Variants in ROBO1 observed in about 807,000 individuals in gnomAD.
The protein encoded by ROBO1 is roundabout homolog 1.
A neutral mutation model predicts 195.9 loss-of-function variants in ROBO1; 149 were observed. The ratio of observed to expected loss-of-function variants is 0.76; its 90% CI spans 0.67 to 0.87. The LOEUF (loss-of-function observed/expected upper bound fraction) is 0.87, where lower values mean the gene tolerates loss of function less well. ROBO1 is among the 40% of genes least tolerant of loss of function. ROBO1 has a pLI of 0.00. For synonymous variants in ROBO1, 816 were observed against 733.2 expected (o/e 1.11, Z -1.82); for missense variants, 1,933 against 2,068.3 (o/e 0.93, Z 1.27).
chr3:79,047,756 C>G (rs952398830), intron 3 of ROBO1, among the ~76,000 whole-genome samples: 1 of 152,048 alleles, frequency 6.6e-6, no homozygotes, highest in East Asian at 1.9e-4. Context: ...TCCCATTCCT[C>G]CCGAAACCTT....
intron 4 of ROBO1, among the ~76,000 whole-genome samples, chr3:78,891,694 C>T (rs893853453): frequency 2.6e-5 from 4 of 152,034 alleles, no homozygotes; most frequent in Admixed American, 6.6e-5. Flanking sequence ...TCCAAGTGTC[C>T]GTTCGTACAA....
At chr3:79,087,060 T>C (rs1159758917) in intron 3 of ROBO1, among the ~76,000 whole-genome samples, 2 of 152,048 alleles carry the variant, frequency 1.3e-5, no homozygotes, top group Non-Finnish European at 2.9e-5. Context: ...ATAAAAATAA[T>C]CATATTTAAT....
intron 2 of ROBO1, among the ~76,000 whole-genome samples, chr3:79,288,841 A>G (rs1321282119): frequency 6.6e-6 from 1 of 152,126 alleles, no homozygotes; most frequent in African/African-American, 2.4e-5. Context: ...AAGTGTGTAG[A>G]ACCCAAATAA....
intron 1 of ROBO1, among the ~76,000 whole-genome samples, chr3:79,624,616 T>A (rs891279940): frequency 6.6e-6 from 1 of 151,804 alleles, no homozygotes; most frequent in Non-Finnish European, 1.5e-5. Context: ...CATTATATAA[T>A]GGAAAAGGGA....
intron 8 of ROBO1, chr3:78,693,381 C>T: frequency 5.4e-6 from 8 of 1,472,940 alleles, no homozygotes; most frequent in Non-Finnish European, 7.4e-6. Context: ...AAAAAGAAAA[C>T]ATGGAATAAA....
chr3:78,999,044 T>C lies in ROBO1; in HGVS notation c.173-60117A>G, dbSNP rs200505092. Among the ~76,000 whole-genome samples, 15 of 152,146 alleles carry C rather than the reference T, an allele frequency of 9.9e-5. No homozygotes were observed. In the East Asian group the frequency reaches 2.9e-3, roughly 29 times the overall value. ...ACCATCTCACACCACTCAGAATGGCTATTATTAAAGTCAAAAATAACAGCT... is the reference window on the plus strand; with the variant it reads ...ACCATCTCACACCACTCAGAATGGCCATTATTAAAGTCAAAAATAACAGCT... On this transcript the variant is annotated intron_variant, in intron 3 of 30. Coordinates refer to ENST00000464233, the MANE Select transcript of ROBO1 (RefSeq NM_002941.4).
intron 10 of ROBO1, among the ~76,000 whole-genome samples, chr3:78,674,246 T>C (rs1708262552): frequency 6.6e-6 from 1 of 152,170 alleles, no homozygotes; most frequent in South Asian, 2.1e-4. Flanking sequence ...ACAGCTACAG[T>C]CAACACAACA....
At chr3:79,443,714 G>T (rs1370487370) in intron 2 of ROBO1, among the ~76,000 whole-genome samples, 2 of 152,040 alleles carry the variant, frequency 1.3e-5, no homozygotes, top group Non-Finnish European at 2.9e-5. Context: ...AAAGGGATAA[G>T]AATAGTACAA....
intron 1 of ROBO1, among the ~76,000 whole-genome samples, chr3:79,697,911 T>C (rs1947494400): frequency 6.6e-6 from 1 of 151,602 alleles, no homozygotes; most frequent in East Asian, 1.9e-4. Flanking sequence ...CATACATACA[T>C]TCCATTTAAA....
At chr3:79,238,098 T>C (rs2082447993) in intron 2 of ROBO1, among the ~76,000 whole-genome samples, 1 of 152,176 alleles carries the variant, frequency 6.6e-6, no homozygotes, top group Non-Finnish European at 1.5e-5. Context: ...TTGATCTAGC[T>C]CTGAAAAGAG....
At chr3:79,111,330 T>A (rs2108533715) in intron 3 of ROBO1, among the ~76,000 whole-genome samples, 1 of 152,184 alleles carries the variant, frequency 6.6e-6, no homozygotes, top group South Asian at 2.1e-4. Flanking sequence ...GAGGATCGAT[T>A]GGGGAATGCG....
chr3:79,593,838 A>G (rs2107833016), intron 1 of ROBO1, among the ~76,000 whole-genome samples: 1 of 152,010 alleles, frequency 6.6e-6, no homozygotes, highest in African/African-American at 2.4e-5. Flanking sequence ...GCTGATCTTG[A>G]ACTCCTGAGC....
At chr3:79,193,290 C>A (rs913117094) in intron 2 of ROBO1, among the ~76,000 whole-genome samples, 1 of 151,538 alleles carries the variant, frequency 6.6e-6, no homozygotes, top group African/African-American at 2.4e-5. Context: ...GTGTGGATGA[C>A]GTGATTATAA....
At chr3:78,722,098 C>T (rs1362262100) in intron 5 of ROBO1, among the ~76,000 whole-genome samples, 1 of 152,100 alleles carries the variant, frequency 6.6e-6, no homozygotes, top group African/African-American at 2.4e-5. Context: ...TTATATATTA[C>T]ACTTGGCTTA....
chr3:78,970,516 A>G (rs2076739602), intron 3 of ROBO1, among the ~76,000 whole-genome samples: 1 of 152,196 alleles, frequency 6.6e-6, no homozygotes. Context: ...TTTAGAAACT[A>G]AAATCATAAT....
At chr3:78,703,083 G>A (rs2081458625) in intron 8 of ROBO1, among the ~76,000 whole-genome samples, 1 of 151,794 alleles carries the variant, frequency 6.6e-6, no homozygotes, top group South Asian at 2.1e-4. Context: ...TTTTTTCGTC[G>A]ATGAAAGAAA....
Position 78,938,582 on chromosome 3 carries a change from G to A in ROBO1, c.499+19C>T. 6.3e-7 allele frequency: 1 copy of A among 1,588,344 alleles called. No homozygotes were observed. Among genetic ancestry groups the A allele is most frequent in the Non-Finnish European group, 8.6e-7 (1 of 1,164,212 alleles). ...TCTGCCACTCCCTCTGCCAAACACA[G>A]AGCGCCCAGTTTACTTACTGGCTAC... On this transcript the variant is annotated intron_variant, in intron 4 of 30. Coordinates refer to ENST00000464233, the MANE Select transcript of ROBO1 (RefSeq NM_002941.4).
chr3:79,248,895 G>T (rs1228755104), intron 2 of ROBO1, among the ~76,000 whole-genome samples: 3 of 152,260 alleles, frequency 2.0e-5, no homozygotes. Context: ...TTCACTGAGG[G>T]TGCAAAATTG....
rs147181924 is a variant in ROBO1 at position 79,552,964 on chromosome 3, G to A, written c.88+36860C>T. Among the ~76,000 whole-genome samples, 46 of 152,146 alleles carry A rather than the reference G, an allele frequency of 3.0e-4. 1 individual carries two copies. In the East Asian group the frequency reaches 8.5e-3, roughly 28 times the overall value. ...TATTGCTAAGGCCATTATGGCTCAT[G>A]TAAACAAATGGAAATATAATCTTGT... is the stretch of plus-strand genomic sequence containing the variant. On this transcript the variant is annotated intron_variant, in intron 2 of 30. Coordinates refer to ENST00000464233, the MANE Select transcript of ROBO1 (RefSeq NM_002941.4).
Sources: gnomAD v4.1 joint callset for allele counts (sites outside exome capture counted in the v4.1 genomes callset) on GRCh38, gnomAD v4.1.1 for gene constraint, MANE v1.5 for transcripts, NCBI Gene and HGNC (gene_info 2026-07-23, HGNC 2026-07-21) for gene names.